MIDEAS: variants seen among roughly 807,000 people sequenced by gnomAD.
MIDEAS encodes the protein mitotic deacetylase associated SANT domain protein.
Under a neutral mutation model 102.7 loss-of-function variants are expected in MIDEAS, and 26 were observed. The ratio of observed to expected loss-of-function variants is 0.25; its 90% CI spans 0.19 to 0.35. The LOEUF is 0.35. MIDEAS is among the 10% of genes least tolerant of loss of function. The pLI, the probability that MIDEAS is intolerant of heterozygous loss-of-function variation, is 1.00. For synonymous variants in MIDEAS, 585 were observed against 591.0 expected, an observed-to-expected ratio of 0.99 and a Z score of 0.15; for missense variants, 1,231 against 1,435.6, an observed-to-expected ratio of 0.86 and a Z score of 2.30.
At chr14:73,773,923 G>A (rs2053665490) in intron 1 of MIDEAS, among the ~76,000 whole-genome samples, 1 of 150,580 alleles carries the variant, frequency 6.6e-6, no homozygotes. Context: ...TTAGGAGGCT[G>A]AAGCAGGACA....
At chr14:73,768,989 C>T (rs1221587995) in intron 1 of MIDEAS, among the ~76,000 whole-genome samples, 1 of 152,222 alleles carries the variant, frequency 6.6e-6, no homozygotes. Context: ...TATCATCACA[C>T]TCTGCCAGCC....
intron 1 of MIDEAS, among the ~76,000 whole-genome samples, chr14:73,752,522 A>C (rs2053432948): frequency 6.6e-6 from 1 of 152,088 alleles, no homozygotes; most frequent in Non-Finnish European, 1.5e-5. Flanking sequence ...TGTGAGAGTA[A>C]AGAACGGGGG....
At chr14:73,745,174 A>G (rs1440373911) in intron 1 of MIDEAS, among the ~76,000 whole-genome samples, 3 of 152,152 alleles carry the variant, frequency 2.0e-5, no homozygotes, top group Non-Finnish European at 4.4e-5. Flanking sequence ...AGATGCTGGG[A>G]TGAAGTGAAA....
chr14:73,781,342 G>GA (rs1394479202), intron 1 of MIDEAS, among the ~76,000 whole-genome samples: 2 of 152,118 alleles, frequency 1.3e-5, no homozygotes, highest in African/African-American at 4.8e-5. Context: ...TAGCACATCT[G>GA]AAAAAATGTT....
At chr14:73,721,019 T>C (rs2052981543) in intron 11 of MIDEAS, among the ~76,000 whole-genome samples, 2 of 152,108 alleles carry the variant, frequency 1.3e-5, no homozygotes, top group Non-Finnish European at 2.9e-5. Context: ...ACAGAAGCAG[T>C]AGAGTATAAA....
intron 2 of MIDEAS, 68 bp downstream of exon 2, chr14:73,738,492 C>T (rs1595267379): frequency 2.1e-6 from 3 of 1,414,856 alleles, no homozygotes; most frequent in Non-Finnish European, 2.8e-6. Flanking sequence ...AGAAGCAAAT[C>T]CTGCAGCCGC....
chr14:73,756,921 C>A (rs999450633), intron 1 of MIDEAS, among the ~76,000 whole-genome samples: 2 of 152,072 alleles, frequency 1.3e-5, no homozygotes, highest in Non-Finnish European at 2.9e-5. Context: ...TCACTGGGCC[C>A]AACACATGAC....
At position 73,739,144 on chromosome 14, in the gene MIDEAS, C is replaced by T. The variant is rs2053245681; in HGVS notation, c.865G>A (p.Gly289Ser). The part of the protein sequence containing the change: ...QQPSQQPQDF[G>S]LQPAGPLGQS... ...CCCAGTGGCCCAGCTGGCTGCAGGC[C>T]AAAGTCCTGGGGTTGCTGCGAGGGT... The change falls in exon 2 of 13, where the codon GGC becomes AGC. Residue 289 changes from glycine to serine, a missense_variant. Around this residue, in one of 5 missense-constraint regions of MIDEAS, gnomAD observed 758 missense variants for 856.0 expected, o/e 0.89. Transcript: ENST00000423556. The T allele has an allele frequency of 6.2e-7, 1 of 1,613,092 alleles. No individual in the cohort carries two copies. Among genetic ancestry groups the T allele is most frequent in the African/African-American group, 1.3e-5 (1 of 74,912 alleles).
chr14:73,771,060 A>G (rs2053637838), intron 1 of MIDEAS, among the ~76,000 whole-genome samples: 1 of 151,472 alleles, frequency 6.6e-6, no homozygotes, highest in Admixed American at 6.6e-5. Flanking sequence ...CCACCTCCAA[A>G]CACACACACA....
intron 1 of MIDEAS, among the ~76,000 whole-genome samples, chr14:73,756,957 T>A (rs2053491194): frequency 1.3e-5 from 2 of 151,958 alleles, no homozygotes; most frequent in Admixed American, 6.6e-5. Context: ...TTGATGGAGA[T>A]CTTTCACTAA....
rs369751572 is a variant in MIDEAS, at chr14:73,726,979, G to C, written c.2163-7C>G. 2.5e-6 allele frequency: 4 copies of C among 1,585,408 alleles called. No homozygotes were observed. The East Asian group carries it at 6.8e-5, about 27-fold the overall frequency. Reference sequence around the variant, plus strand: ...GGAGCCCACGTTGATCCGTCTAGAGGAGTGAAAAGGGCAGGAAGTGAGGCC... The same window carrying C: ...GGAGCCCACGTTGATCCGTCTAGAGCAGTGAAAAGGGCAGGAAGTGAGGCC... On this transcript the variant is annotated splice_polypyrimidine_tract_variant and splice_region_variant and intron_variant, in intron 5 of 12. Transcript: ENST00000423556.
intron 1 of MIDEAS, among the ~76,000 whole-genome samples, chr14:73,746,236 C>A (rs529689967): frequency 6.6e-6 from 1 of 152,312 alleles, no homozygotes; most frequent in East Asian, 1.9e-4. Context: ...GCTGGGATAG[C>A]CAGGTTTGTT....
chr14:73,764,744 C>G (rs1321790542), upstream of MIDEAS, among the ~76,000 whole-genome samples: 1 of 152,270 alleles, frequency 6.6e-6, no homozygotes. Context: ...GACCCTCCTC[C>G]TCCGCTCACA....
intron 1 of MIDEAS, among the ~76,000 whole-genome samples, chr14:73,778,008 A>C (rs2053706846): frequency 6.6e-6 from 1 of 151,982 alleles, no homozygotes; most frequent in Non-Finnish European, 1.5e-5. Context: ...TAAGGGCTCA[A>C]TAAATGCATG....
At chr14:73,777,544 G>A (rs140440941) in intron 1 of MIDEAS, among the ~76,000 whole-genome samples, 10 of 151,484 alleles carry the variant, frequency 6.6e-5, no homozygotes, top group East Asian at 5.8e-4. Context: ...GTGCTCCACT[G>A]CCCCACCACT....
At position 73,718,591 on chromosome 14, in the gene MIDEAS, C is replaced by T. The variant is rs2052929480; in HGVS notation, c.*252G>A. On this transcript the variant is annotated 3_prime_UTR_variant, in exon 13 of 13. Coordinates refer to ENST00000423556, the MANE Select transcript of MIDEAS (RefSeq NM_001367710.1). Reference sequence around the variant, plus strand: ...CCTCCCGAGGGGACCGGGACTCTCCCGGTCCAGGAAAGCACGAGGACAGCT... The same window carrying T: ...CCTCCCGAGGGGACCGGGACTCTCCTGGTCCAGGAAAGCACGAGGACAGCT... 2.9e-6 allele frequency: 1 copy of T among 350,492 alleles called. No individual in the cohort carries two copies. Among genetic ancestry groups the T allele is most frequent in the Admixed American group, 4.8e-5 (1 of 20,950 alleles). The allele number at this position is 350,492 out of a possible 1,614,324, so 21.7% of individuals were successfully genotyped here. A position where few individuals can be genotyped will look rare whatever the true frequency, so the allele number is the denominator to read the frequency against.
intron 6 of MIDEAS, 45 bp from the exon 7 acceptor site, chr14:73,726,752 C>G: frequency 6.2e-7 from 1 of 1,612,650 alleles, no homozygotes; most frequent in East Asian, 2.2e-5. Context: ...AAACCACGTT[C>G]AGGGCGGGGC....
chr14:73,740,938 G>GT (rs1465450185), intron 1 of MIDEAS, among the ~76,000 whole-genome samples: 1 of 152,244 alleles, frequency 6.6e-6, no homozygotes, highest in Admixed American at 6.5e-5. Flanking sequence ...GCCCCAGAAG[G>GT]GTGTGTGCAG....
Position 73,722,930 on chromosome 14 carries a change from A to G in MIDEAS, c.2575-83T>C, listed in dbSNP as rs1468720530. 3.4e-5 allele frequency: 52 copies of G among 1,514,892 alleles called. No homozygotes were observed. In the East Asian group the frequency reaches 1.1e-3, roughly 32 times the overall value. 93.8% of individuals were successfully genotyped at this position (1,514,892 alleles called of 1,614,324 possible). On this transcript the variant is annotated intron_variant, in intron 9 of 12. Transcript: ENST00000423556. ...AGAATCCAGCCTTTCTCGTCCCTGCATCTTTCCCTTAACTTCAAGCCAAAA... is the reference window on the plus strand; with the variant it reads ...AGAATCCAGCCTTTCTCGTCCCTGCGTCTTTCCCTTAACTTCAAGCCAAAA...
Sources: allele counts gnomAD v4.1 joint callset (sites outside exome capture counted in the v4.1 genomes callset), GRCh38; gene constraint gnomAD v4.1.1; regional missense constraint gnomAD v4.1.1; transcripts MANE v1.5; gene names NCBI Gene and HGNC (gene_info 2026-07-23, HGNC 2026-07-21).